CSE1L: variants seen among roughly 807,000 people sequenced by gnomAD.
The protein encoded by CSE1L is chromosome segregation 1 like.
CSE1L carries 24 observed loss-of-function variants against 120.4 expected under a neutral mutation model. The observed-to-expected ratio is 0.20, with a 90% CI of 0.14 to 0.28. CSE1L has a LOEUF of 0.28. Ranked by LOEUF, CSE1L falls within the 10% of genes least tolerant of loss-of-function variation. CSE1L has a pLI of 1.00. For synonymous variants in CSE1L, 402 were observed against 398.3 expected (o/e 1.01, Z -0.11); for missense variants, 830 against 1,145.2 (o/e 0.72, Z 3.97).
intron 1 of CSE1L, among the ~76,000 whole-genome samples, chr20:49,056,110 C>T (rs769451892): frequency 6.6e-6 from 1 of 150,820 alleles, no homozygotes; most frequent in African/African-American, 2.4e-5. Context: ...TTTCTAAAAT[C>T]GCTTTTTTTT....
intron 3 of CSE1L, among the ~76,000 whole-genome samples, chr20:49,065,439 C>T (rs1451329821): frequency 6.7e-6 from 1 of 148,488 alleles, no homozygotes; most frequent in Non-Finnish European, 1.5e-5. Context: ...TGTCCTGCCT[C>T]AGCCTCCTGA....
At chr20:49,046,678 G>A (rs1686935332) in intron 1 of CSE1L, among the ~76,000 whole-genome samples, 1 of 152,248 alleles carries the variant, frequency 6.6e-6, no homozygotes, top group South Asian at 2.1e-4. Flanking sequence ...GAGGGCTGAG[G>A]GCAACTGAGG....
chr20:49,088,050 C>G lies in CSE1L; in HGVS notation c.1765C>G (p.Pro589Ala), dbSNP rs866694921. Residue 589 changes from proline (P) to alanine (A), a missense_variant, in exon 17 of 25, where the codon CCC becomes GCC. By Grantham distance (27) the Pro-to-Ala change is conservative (BLOSUM62 -1). Around this residue, in one of 4 missense-constraint regions of CSE1L, gnomAD observed 168 missense variants for 267.9 expected, o/e 0.63. Transcript: ENST00000262982. ...SFSLLQEAII[P>A]YIPTLITQLT... ...TTCTCTCCTACAAGAAGCCATAATCCCCTACATCCCTACTCTCATCACTCA... is the reference window on the plus strand; with the variant it reads ...TTCTCTCCTACAAGAAGCCATAATCGCCTACATCCCTACTCTCATCACTCA... 5 of 1,612,348 alleles carry G rather than the reference C, an allele frequency of 3.1e-6. No individual in the cohort carries two copies. In the Admixed American group the frequency reaches 6.7e-5, roughly 22 times the overall value.
At chr20:49,079,924 A>G (rs760351576) in intron 14 of CSE1L, among the ~76,000 whole-genome samples, 8 of 152,146 alleles carry the variant, frequency 5.3e-5, no homozygotes, top group African/African-American at 1.4e-4. Context: ...TACTAAAAAT[A>G]CTAGCTGGGT....
intron 2 of CSE1L, among the ~76,000 whole-genome samples, chr20:49,060,354 C>T (rs535733721): frequency 1.3e-5 from 2 of 151,378 alleles, no homozygotes; most frequent in South Asian, 2.1e-4. Context: ...TGGTGGTGCA[C>T]GGCTGTAGTC....
intron 2 of CSE1L, among the ~76,000 whole-genome samples, chr20:49,060,058 G>T (rs1273772927): frequency 6.6e-6 from 1 of 151,816 alleles, no homozygotes; most frequent in Non-Finnish European, 1.5e-5. Context: ...GGTGATGTGT[G>T]CCTGTATTCC....
intron 20 of CSE1L, 23 bp downstream of exon 20, chr20:49,090,862 G>A (rs977391983): frequency 1.2e-6 from 2 of 1,605,408 alleles, no homozygotes; most frequent in Non-Finnish European, 1.7e-6. Flanking sequence ...AGAACTTTGT[G>A]CATTTATTTA....
At position 49,082,960 on chromosome 20, in the gene CSE1L, C is replaced by T. The variant is rs1048667670; in HGVS notation, c.1483-1066C>T. ...TTAGCCTCCCTAGTTGATGGGATTACGGGCATGCTCCACCGTACCCACCTA... is the reference window on the plus strand; with the variant it reads ...TTAGCCTCCCTAGTTGATGGGATTATGGGCATGCTCCACCGTACCCACCTA... On this transcript the variant is annotated intron_variant, in intron 14 of 24. Coordinates refer to ENST00000262982, the MANE Select transcript of CSE1L (RefSeq NM_001316.4). Among the ~76,000 whole-genome samples, 11 of 151,962 alleles carry T rather than the reference C, an allele frequency of 7.2e-5. 1 individual carries two copies. Among genetic ancestry groups the T allele is most frequent in the Non-Finnish European group, 1.0e-4 (7 of 67,988 alleles).
chr20:49,084,834 A>G (rs1172840256), intron 15 of CSE1L, among the ~76,000 whole-genome samples: 2 of 152,186 alleles, frequency 1.3e-5, no homozygotes, highest in Non-Finnish European at 2.9e-5. Flanking sequence ...CTTGAAGTAC[A>G]GATACTCTCA....
At chr20:49,064,984 T>C (rs1019997192) in intron 3 of CSE1L, among the ~76,000 whole-genome samples, 10 of 151,304 alleles carry the variant, frequency 6.6e-5, no homozygotes, top group East Asian at 3.9e-4. Flanking sequence ...GTGAGACCCC[T>C]CTTCTCTACA....
chr20:49,085,723 C>A (rs538530292), intron 16 of CSE1L, among the ~76,000 whole-genome samples: 1 of 151,708 alleles, frequency 6.6e-6, no homozygotes, highest in African/African-American at 2.4e-5. Flanking sequence ...AGGTGCACTC[C>A]ACCATGCCCG....
chr20:49,062,741 A>G (rs2091861813), intron 2 of CSE1L, among the ~76,000 whole-genome samples: 1 of 151,922 alleles, frequency 6.6e-6, no homozygotes, highest in African/African-American at 2.4e-5. Context: ...TATATAATAT[A>G]TATGTAAATC....
At chr20:49,078,473 C>CT in intron 13 of CSE1L, 88 bp from the exon 14 acceptor site, 3 of 863,680 alleles carry the variant, frequency 3.5e-6, no homozygotes, top group South Asian at 3.3e-5. Flanking sequence ...GACATTTTAT[C>CT]TTTTTTTATA....
At chr20:49,057,967 C>T (rs1411094697) in intron 1 of CSE1L, among the ~76,000 whole-genome samples, 2 of 151,816 alleles carry the variant, frequency 1.3e-5, no homozygotes, top group Admixed American at 1.3e-4. Flanking sequence ...GATGGGGTCT[C>T]ACCCTGTTGA....
intron 3 of CSE1L, among the ~76,000 whole-genome samples, chr20:49,064,962 C>G (rs534062940): frequency 2.0e-5 from 3 of 151,404 alleles, no homozygotes; most frequent in East Asian, 3.9e-4. Context: ...GGAGACCAGC[C>G]TGGACAACAA....
intron 1 of CSE1L, among the ~76,000 whole-genome samples, chr20:49,055,610 A>C (rs1160750084): frequency 3.3e-5 from 5 of 152,128 alleles, no homozygotes; most frequent in African/African-American, 1.2e-4. Context: ...CCAGCTACTC[A>C]AGAGGCTGAG....
At chr20:49,066,804 G>A (rs957193123) in intron 5 of CSE1L, among the ~76,000 whole-genome samples, 13 of 152,018 alleles carry the variant, frequency 8.6e-5, no homozygotes, top group Non-Finnish European at 1.6e-4. Context: ...CAAAGTGGGC[G>A]GATCACCTGA....
chr20:49,082,367 C>G (rs964962831), intron 14 of CSE1L, among the ~76,000 whole-genome samples: 1 of 152,126 alleles, frequency 6.6e-6, no homozygotes, highest in African/African-American at 2.4e-5. Flanking sequence ...TGGTCTTGAA[C>G]TCCTGACCTC....
At chr20:49,081,318 C>T (rs749136538) in intron 14 of CSE1L, among the ~76,000 whole-genome samples, 1 of 152,128 alleles carries the variant, frequency 6.6e-6, no homozygotes, top group Non-Finnish European at 1.5e-5. Flanking sequence ...GGGTCTCGTT[C>T]TGTCGCCCAG....
Sources: gnomAD v4.1 joint callset for allele counts (sites outside exome capture counted in the v4.1 genomes callset) on GRCh38, gnomAD v4.1.1 for gene constraint, gnomAD v4.1.1 regional missense constraint, MANE v1.5 for transcripts, NCBI Gene and HGNC (gene_info 2026-07-23, HGNC 2026-07-21) for gene names.